KCNB2: variants seen among roughly 807,000 people sequenced by gnomAD.
KCNB2 encodes the protein delayed rectifier potassium channel protein.
KCNB2 carries 15 observed loss-of-function variants against 61.5 expected under a neutral mutation model. The ratio of observed to expected loss-of-function variants is 0.24; its 90% CI spans 0.16 to 0.38. KCNB2 has a LOEUF of 0.38. Among genes scored for constraint, KCNB2 ranks in the 10% least tolerant of loss-of-function variants. The pLI, the probability that KCNB2 is intolerant of heterozygous loss-of-function variation, is 1.00. For synonymous variants in KCNB2, 457 were observed against 446.0 expected, an observed-to-expected ratio of 1.02 and a Z score of -0.31; for missense variants, 828 against 1,125.2, an observed-to-expected ratio of 0.74 and a Z score of 3.78.
intron 2 of KCNB2, among the ~76,000 whole-genome samples, chr8:72,644,835 A>C (rs1227725076): frequency 6.6e-6 from 1 of 152,144 alleles, no homozygotes; most frequent in African/African-American, 2.4e-5. Context: ...AACGAAACTG[A>C]TATTTAGAGA....
rs930509839 is a variant in KCNB2, at chr8:72,541,162, T to C, written c.-94+3277T>C. Reference sequence around the variant, plus strand: ...TCACAAACTATGCATTTGGCAGTTGTTATAAAACAATAAAAATAATAGTAA... The same window carrying C: ...TCACAAACTATGCATTTGGCAGTTGCTATAAAACAATAAAAATAATAGTAA... On this transcript the variant is annotated intron_variant, in intron 1 of 2. Transcript: ENST00000523207. Among the ~76,000 whole-genome samples, 4 of 151,708 alleles carry C rather than the reference T, an allele frequency of 2.6e-5. No individual in the cohort carries two copies. The East Asian group carries it at 7.7e-4, about 29-fold the overall frequency.
intron 2 of KCNB2, among the ~76,000 whole-genome samples, chr8:72,675,352 C>T (rs762458719): frequency 4.6e-5 from 7 of 151,864 alleles, no homozygotes; most frequent in Non-Finnish European, 8.8e-5. Context: ...AAATTCTGTG[C>T]TGGTCCCCAG....
At chr8:72,541,821 C>A (rs908966135) in intron 1 of KCNB2, among the ~76,000 whole-genome samples, 2 of 152,008 alleles carry the variant, frequency 1.3e-5, no homozygotes, top group African/African-American at 4.8e-5. Context: ...AGTTTATTTT[C>A]ATTTTCAGGT....
At chr8:72,584,303 C>T (rs1806962909) in intron 2 of KCNB2, among the ~76,000 whole-genome samples, 1 of 151,982 alleles carries the variant, frequency 6.6e-6, no homozygotes, top group Non-Finnish European at 1.5e-5. Context: ...TCCATGAAAG[C>T]GGGGAGAGTT....
At chr8:72,627,384 A>AT (rs1322263730) in intron 2 of KCNB2, among the ~76,000 whole-genome samples, 25 of 152,284 alleles carry the variant, frequency 1.6e-4, no homozygotes, top group East Asian at 3.9e-4. Context: ...AACTAATCAT[A>AT]TTTTCTATCA....
chr8:72,841,915 C>G (rs1168966791), intron 2 of KCNB2, among the ~76,000 whole-genome samples: 1 of 151,386 alleles, frequency 6.6e-6, no homozygotes, highest in Non-Finnish European at 1.5e-5. Context: ...TTTGAATACG[C>G]TTTATTTCTT....
intron 2 of KCNB2, among the ~76,000 whole-genome samples, chr8:72,703,719 C>T (rs1209304260): frequency 6.6e-6 from 1 of 152,104 alleles, no homozygotes. Context: ...GCTACTCCCC[C>T]ACACAAAAAA....
At chr8:72,717,854 A>G (rs933227432) in intron 2 of KCNB2, among the ~76,000 whole-genome samples, 3 of 152,248 alleles carry the variant, frequency 2.0e-5, no homozygotes, top group African/African-American at 7.2e-5. Flanking sequence ...AGCAAAAGAA[A>G]CTACCATCAG....
In KCNB2 at chr8:72,770,867, C is replaced by T. The variant is rs115577254; in HGVS notation, c.580-165068C>T. 8.5e-3 allele frequency among the ~76,000 whole-genome samples: 1,300 copies of T among 152,314 alleles called. 16 individuals are homozygous for T. The highest frequency in any genetic ancestry group is 0.028 in the African/African-American group (1,156 of 41,572). ...GTGTATAAAAGCTTCAGAACTGAGTCGATAGCCAAACCACACAGCTATGCA... is the reference window on the plus strand; with the variant it reads ...GTGTATAAAAGCTTCAGAACTGAGTTGATAGCCAAACCACACAGCTATGCA... On this transcript the variant is annotated intron_variant, in intron 2 of 2. Coordinates refer to ENST00000523207, the MANE Select transcript of KCNB2 (RefSeq NM_004770.3).
chr8:72,660,429 C>T (rs1806360167), intron 2 of KCNB2, among the ~76,000 whole-genome samples: 1 of 152,184 alleles, frequency 6.6e-6, no homozygotes, highest in African/African-American at 2.4e-5. Context: ...GCCATCACAA[C>T]CAGATGCTCC....
intron 2 of KCNB2, among the ~76,000 whole-genome samples, chr8:72,848,143 G>A (rs1023914761): frequency 6.6e-6 from 1 of 152,088 alleles, no homozygotes; most frequent in South Asian, 2.1e-4. Flanking sequence ...GGCCCAATTT[G>A]CATTTGGAAT....
chr8:72,927,914 C>T (rs1430605575), intron 2 of KCNB2, among the ~76,000 whole-genome samples: 1 of 152,132 alleles, frequency 6.6e-6, no homozygotes, highest in Non-Finnish European at 1.5e-5. Context: ...GCCCTTTATC[C>T]CTTTTCTGTG....
intron 2 of KCNB2, among the ~76,000 whole-genome samples, chr8:72,626,699 T>C (rs951199869): frequency 6.6e-6 from 1 of 152,076 alleles, no homozygotes; most frequent in East Asian, 1.9e-4. Context: ...AATGAGAAAA[T>C]GTTGGGGTTA....
chr8:72,838,111 ATTTTC>A (rs887978036), intron 2 of KCNB2, among the ~76,000 whole-genome samples: 29 of 152,104 alleles, frequency 1.9e-4, no homozygotes, highest in African/African-American at 4.8e-4. Context: ...TATTATAGCT[ATTTTC>A]TTTTATTTTT....
chr8:72,753,157 A>C (rs907673285), intron 2 of KCNB2, among the ~76,000 whole-genome samples: 4 of 152,186 alleles, frequency 2.6e-5, no homozygotes, highest in East Asian at 1.9e-4. Flanking sequence ...AATAGAGTTG[A>C]ATAGATTTTT....
intron 1 of KCNB2, among the ~76,000 whole-genome samples, chr8:72,551,043 A>T (rs1291471745): frequency 6.6e-6 from 1 of 152,142 alleles, no homozygotes; most frequent in Non-Finnish European, 1.5e-5. Flanking sequence ...CTCCATTCTC[A>T]GGAAGACAGG....
At chr8:72,590,076 G>C (rs997967365) in intron 2 of KCNB2, among the ~76,000 whole-genome samples, 14 of 152,174 alleles carry the variant, frequency 9.2e-5, no homozygotes, top group African/African-American at 3.4e-4. Flanking sequence ...TTTCAAAGGA[G>C]GTGTTACAAG....
chr8:72,601,272 A>T (rs1207747605), intron 2 of KCNB2, among the ~76,000 whole-genome samples: 1 of 152,204 alleles, frequency 6.6e-6, no homozygotes, highest in Admixed American at 6.5e-5. Context: ...TATTAATAAT[A>T]AGCATTTTTT....
chr8:72,682,922 A>G (rs952995833), intron 2 of KCNB2, among the ~76,000 whole-genome samples: 1 of 152,150 alleles, frequency 6.6e-6, no homozygotes, highest in African/African-American at 2.4e-5. Flanking sequence ...TTGAATTCTA[A>G]TTGTCACCTA....
Sources: gnomAD v4.1 joint callset for allele counts (sites outside exome capture counted in the v4.1 genomes callset) on GRCh38, gnomAD v4.1.1 for gene constraint, MANE v1.5 for transcripts, NCBI Gene and HGNC (gene_info 2026-07-23, HGNC 2026-07-21) for gene names.